SH2D1B: variants seen among roughly 807,000 people sequenced by gnomAD.
SH2D1B encodes the protein SH2 domain-containing protein 1B.
SH2D1B carries 11 observed loss-of-function variants against 16.3 expected under a neutral mutation model. The observed-to-expected ratio is 0.67, with a 90% confidence interval of 0.42 to 1.11. The LOEUF is 1.11. Ranked by LOEUF, SH2D1B falls within the 50% of genes most tolerant of loss-of-function variation. SH2D1B has a pLI of 0.00. For missense variants in SH2D1B, 123 were observed against 153.1 expected, an observed-to-expected ratio of 0.80 and a Z score of 1.04; for synonymous variants, 55 against 56.1, an observed-to-expected ratio of 0.98 and a Z score of 0.09.
chr1:162,406,439 C>G (rs186415415), intron 1 of SH2D1B, among the ~76,000 whole-genome samples: 211 of 152,160 alleles, frequency 1.4e-3, no homozygotes, highest in African/African-American at 4.8e-3. Flanking sequence ...ATGGAGAAAA[C>G]AGGTTGCAAG....
At chr1:162,402,681 C>G in intron 2 of SH2D1B, 58 bp downstream of exon 2, 1 of 1,429,590 alleles carries the variant, frequency 7.0e-7, no homozygotes, top group Non-Finnish European at 9.9e-7. Flanking sequence ...AGACATGTTC[C>G]CAGGTTCTTC....
At position 162,395,512 on chromosome 1, in the gene SH2D1B, A is replaced by G. The variant is rs922365250; in HGVS notation, c.*1768T>C. 6.6e-6 allele frequency: 1 copy of G among 152,238 alleles called. No individual in the cohort carries two copies. The highest frequency in any genetic ancestry group is 1.5e-5 in the Non-Finnish European group (1 of 68,044). 9.4% of individuals were successfully genotyped at this position (152,238 alleles called of 1,614,324 possible). On this transcript the variant is annotated 3_prime_UTR_variant, in exon 4 of 4. Coordinates refer to ENST00000367929, the MANE Select transcript of SH2D1B (RefSeq NM_053282.5). ...TGTAAGAATACTCACTATCATGACT[A>G]TGAACTGTTTAATGTATACAGGAGG...
intron 2 of SH2D1B, among the ~76,000 whole-genome samples, chr1:162,400,173 T>A (rs527789439): frequency 1.3e-5 from 2 of 152,050 alleles, no homozygotes; most frequent in African/African-American, 2.4e-5. Flanking sequence ...ACAATCTCCA[T>A]GTGGGCAAAA....
rs556684664 is a variant in SH2D1B at position 162,402,641 on chromosome 1, A to G, written c.198+98T>C. ...TCTGCATTGTGCTTTCCTTTTTAGA[A>G]TGCTTTCGCACAGTCATGGCTCAGG... is the stretch of plus-strand genomic sequence containing the variant. On this transcript the variant is annotated intron_variant, in intron 2 of 3. Transcript: ENST00000367929. The G allele has an allele frequency of 2.8e-5, 28 of 992,638 alleles. No individual in the cohort carries two copies. In the South Asian group the frequency reaches 3.1e-4, roughly 11 times the overall value. The allele number at this position is 992,638 out of a possible 1,614,324, so 61.5% of individuals were successfully genotyped here.
chr1:162,400,013 G>C (rs1648470255), intron 2 of SH2D1B, among the ~76,000 whole-genome samples: 1 of 152,126 alleles, frequency 6.6e-6, no homozygotes, highest in South Asian at 2.1e-4. Context: ...AGAACAGTTA[G>C]GCTGCTTAGT....
chr1:162,398,286 A>T (rs1395226309), intron 3 of SH2D1B, among the ~76,000 whole-genome samples: 1 of 152,190 alleles, frequency 6.6e-6, no homozygotes, highest in African/African-American at 2.4e-5. Context: ...CAGGATTAAG[A>T]CCTAAGTGTT....
At chr1:162,410,482 T>C (rs1364414653) in intron 1 of SH2D1B, among the ~76,000 whole-genome samples, 1 of 152,136 alleles carries the variant, frequency 6.6e-6, no homozygotes, top group Non-Finnish European at 1.5e-5. Context: ...GATTTTAATT[T>C]CTGTTACAGG....
At chr1:162,399,929 C>T (rs1376691091) in intron 2 of SH2D1B, among the ~76,000 whole-genome samples, 1 of 152,162 alleles carries the variant, frequency 6.6e-6, no homozygotes, top group African/African-American at 2.4e-5. Context: ...CTCTCCATCT[C>T]AAGCTGGGGC....
chr1:162,397,125 C>A lies in SH2D1B; in HGVS notation c.*155G>T. The A allele has an allele frequency of 1.4e-6, 1 of 729,192 alleles. No homozygotes were observed. The highest frequency in any genetic ancestry group is 2.3e-6 in the Non-Finnish European group (1 of 431,978). 45.2% of individuals were successfully genotyped at this position (729,192 alleles called of 1,614,324 possible). On this transcript the variant is annotated 3_prime_UTR_variant, in exon 4 of 4. Transcript: ENST00000367929. ...GAGGCGGGGATGTGGAGAGTGACCT[C>A]TGGTGCTGGTGGGCAGAACATCTTC...
At chr1:162,410,728 CT>C (rs1648773628) in intron 1 of SH2D1B, among the ~76,000 whole-genome samples, 1 of 149,894 alleles carries the variant, frequency 6.7e-6, no homozygotes, top group Admixed American at 6.7e-5. Context: ...ACAATCTCAG[CT>C]CACTGCAACC....
intron 3 of SH2D1B, among the ~76,000 whole-genome samples, 158 bp downstream of exon 3, chr1:162,398,765 A>G (rs971090569): frequency 3.9e-5 from 6 of 152,238 alleles, no homozygotes; most frequent in African/African-American, 9.6e-5. Flanking sequence ...ACTAAAAGAC[A>G]GCACTTCTCA....
intron 2 of SH2D1B, among the ~76,000 whole-genome samples, chr1:162,400,583 C>G (rs892872068): frequency 4.6e-5 from 7 of 150,912 alleles, no homozygotes; most frequent in Non-Finnish European, 8.8e-5. Context: ...GGATTACAGG[C>G]GGGAGCCACC....
chr1:162,411,900 G>T lies in SH2D1B; in HGVS notation c.117C>A (p.Val39=), dbSNP rs139368528. The T allele has an allele frequency of 3.9e-5, 63 of 1,614,022 alleles. No individual in the cohort carries two copies. The highest frequency in any genetic ancestry group is 5.3e-5 in the Non-Finnish European group (62 of 1,180,048). ...LLRDSESIPG[V]LCLCVSFKNI... is the part of the protein sequence containing the mutation. ...CTACTCACGAGACACAGAGGCACAG[G>T]ACTCCTGGTATCGACTCGCTGTCTC... The change falls in exon 1 of 4, where the codon GTC becomes GTA. Residue 39 remains valine, a synonymous_variant. Transcript: ENST00000367929.
intron 1 of SH2D1B, among the ~76,000 whole-genome samples, chr1:162,408,144 G>C (rs542953815): frequency 5.3e-5 from 8 of 152,290 alleles, no homozygotes; most frequent in Admixed American, 2.0e-4. Context: ...TGACATATGA[G>C]AGAATTCAAA....
At chr1:162,402,912 TC>T in intron 1 of SH2D1B, 110 bp from the exon 2 acceptor site, 46 of 837,574 alleles carry the variant, frequency 5.5e-5, no homozygotes, top group Admixed American at 7.5e-5. Context: ...CTAAAAAAAC[TC>T]TTTTTTTTTT....
At chr1:162,402,696 C>T in intron 2 of SH2D1B, 43 bp downstream of exon 2, 1 of 1,548,514 alleles carries the variant, frequency 6.5e-7, no homozygotes. Flanking sequence ...TTCTTCTCCC[C>T]CAACTTTTGT....
At chr1:162,397,509 C>T (rs540805934) in intron 3 of SH2D1B, among the ~76,000 whole-genome samples, 194 bp from the exon 4 acceptor site, 45 of 152,298 alleles carry the variant, frequency 3.0e-4, no homozygotes, top group Middle Eastern at 3.4e-3. Flanking sequence ...TCTTTATAAG[C>T]CAAGCCTCAG....
chr1:162,409,934 T>C (rs532047746), intron 1 of SH2D1B, among the ~76,000 whole-genome samples: 1 of 152,338 alleles, frequency 6.6e-6, no homozygotes, highest in South Asian at 2.1e-4. Flanking sequence ...ATAGCCTGTA[T>C]CTCCAGTACC....
At chr1:162,398,551 AG>A (rs1475787053) in intron 3 of SH2D1B, among the ~76,000 whole-genome samples, 3 of 152,356 alleles carry the variant, frequency 2.0e-5, no homozygotes, top group Admixed American at 2.0e-4. Context: ...TATTGAGCAA[AG>A]TGTAACAGTA....
Sources: gnomAD v4.1 joint callset for allele counts (sites outside exome capture counted in the v4.1 genomes callset) on GRCh38, gnomAD v4.1.1 for gene constraint, MANE v1.5 for transcripts, NCBI Gene and HGNC (gene_info 2026-07-23, HGNC 2026-07-21) for gene names.